The following WDR11 variants were observed in gnomAD, a reference collection of about 807,000 sequenced individuals.
WDR11 encodes WD repeat domain 11.
In WDR11, 83 loss-of-function variants were observed where a neutral mutation model predicts 151.2. The observed-to-expected ratio is 0.55, with a 90% CI of 0.46 to 0.66. WDR11 has a LOEUF of 0.66. WDR11 is among the 30% of genes least tolerant of loss of function. The pLI is 0.00. For missense variants in WDR11, 1,301 were observed against 1,480.9 expected, an observed-to-expected ratio of 0.88 and a Z score of 1.99; for synonymous variants, 484 against 533.1, an observed-to-expected ratio of 0.91 and a Z score of 1.27.
At chr10:120,851,796 C>T (rs1845785402) in intron 1 of WDR11, 1 of 521,628 alleles carries the variant, frequency 1.9e-6, no homozygotes, top group South Asian at 2.1e-5. Context: ...CTCTTTTCCT[C>T]TCCTCCAGCT....
intron 16 of WDR11, among the ~76,000 whole-genome samples, chr10:120,887,622 G>A (rs1414523333): frequency 2.0e-5 from 3 of 152,200 alleles, no homozygotes; most frequent in Non-Finnish European, 2.9e-5. Flanking sequence ...AGTGTAATGG[G>A]ACAGAAGGAT....
At chr10:120,866,970 G>A (rs1406621791) in intron 8 of WDR11, 96 bp from the exon 9 acceptor site, 2 of 1,129,522 alleles carry the variant, frequency 1.8e-6, no homozygotes, top group East Asian at 2.5e-5. Context: ...TATAAAAATA[G>A]ATAGAATGCC....
At chr10:120,870,769 A>T (rs987121601) in intron 9 of WDR11, among the ~76,000 whole-genome samples, 10 of 152,208 alleles carry the variant, frequency 6.6e-5, no homozygotes, top group Non-Finnish European at 1.2e-4. Context: ...TTGAAAAGTA[A>T]CCCTTTCAAA....
rs1031265525 is a variant in WDR11, at chr10:120,887,858, C to T, written c.2121+1022C>T. ...CTTCAAAGGCAACTTCTTAATTAAA[C>T]ATTCTATTTTATGGCTAGGAAAGTA... On this transcript the variant is annotated intron_variant, in intron 16 of 28. Coordinates refer to ENST00000263461, the MANE Select transcript of WDR11 (RefSeq NM_018117.12). 2.6e-5 allele frequency among the ~76,000 whole-genome samples: 4 copies of T among 152,166 alleles called. No homozygotes were observed. The East Asian group carries it at 7.7e-4, about 29-fold the overall frequency.
chr10:120,880,224 A>G (rs985624411), intron 12 of WDR11: 1 of 152,274 alleles, frequency 6.6e-6, no homozygotes, highest in African/African-American at 2.4e-5. Context: ...TTAAATTTCT[A>G]AAATTGAATT....
At chr10:120,875,985 T>G (rs1345350444) in intron 11 of WDR11, among the ~76,000 whole-genome samples, 6 of 148,328 alleles carry the variant, frequency 4.0e-5, no homozygotes, top group Non-Finnish European at 7.5e-5. Flanking sequence ...TTTCTTTTTT[T>G]TTTTTTTTTT....
At chr10:120,860,771 T>C (rs1358154226) in intron 4 of WDR11, among the ~76,000 whole-genome samples, 1 of 152,254 alleles carries the variant, frequency 6.6e-6, no homozygotes, top group Non-Finnish European at 1.5e-5. Context: ...TTTGCTAATA[T>C]GCTTTTAATG....
intron 4 of WDR11, among the ~76,000 whole-genome samples, chr10:120,861,673 A>C (rs887053576): frequency 6.6e-6 from 1 of 152,214 alleles, no homozygotes; most frequent in Non-Finnish European, 1.5e-5. Flanking sequence ...TAGGGTTGTC[A>C]TAACTCTTGA....
At chr10:120,851,571 G>C in intron 1 of WDR11, 65 bp downstream of exon 1, 4 of 1,561,532 alleles carry the variant, frequency 2.6e-6, no homozygotes, top group Non-Finnish European at 2.6e-6. Flanking sequence ...AAGGGGGAAG[G>C]ACAAGAGGTT....
At position 120,858,780 on chromosome 10, in the gene WDR11, T is replaced by G; in HGVS notation, c.336T>G (p.His112Gln). 1 of 1,614,190 alleles carries G rather than the reference T, an allele frequency of 6.2e-7. No homozygotes were observed. The highest frequency in any genetic ancestry group is 1.1e-5 in the South Asian group (1 of 91,084). ...AGVAQCEIQE[H>Q]AKPIQDVQWL... ...TAGCTCAGTGTGAGATCCAAGAGCA[T>G]GCCAAGCCTATCCAGGGTGAGGAAA... Residue 112 changes from histidine to glutamine, a missense_variant, in exon 3 of 29, where the codon CAT (histidine) becomes CAG (glutamine). By Grantham distance (24) the His-to-Gln change is conservative. Around this residue, in one of 3 missense-constraint regions of WDR11, gnomAD observed 692 missense variants for 762.5 expected, o/e 0.91. Coordinates refer to ENST00000263461, the MANE Select transcript of WDR11 (RefSeq NM_018117.12).
At chr10:120,908,460 G>A (rs1848155407) in intron 28 of WDR11, 96 bp from the exon 29 acceptor site, 2 of 1,341,656 alleles carry the variant, frequency 1.5e-6, no homozygotes, top group Non-Finnish European at 2.1e-6. Flanking sequence ...CGAGCAGCCA[G>A]CAGAGCAGAC....
intron 4 of WDR11, 106 bp downstream of exon 4, chr10:120,860,388 ATGAC>A (rs1478085199): frequency 1.4e-5 from 18 of 1,320,726 alleles, no homozygotes; most frequent in South Asian, 6.3e-5. Flanking sequence ...TAATGTTAAA[ATGAC>A]TGAGCGAAGT....
chr10:120,883,691 T>G, intron 13 of WDR11, 89 bp from the exon 14 acceptor site: 3 of 1,089,950 alleles, frequency 2.8e-6, no homozygotes, highest in Non-Finnish European at 4.2e-6. Context: ...GTCAGCTGAG[T>G]TTTTCAATTT....
chr10:120,885,921 T>C lies in WDR11; in HGVS notation c.1956T>C (p.Val652=). Residue 652 remains valine, a synonymous_variant, in exon 15 of 29, where the codon GTT becomes GTC. Coordinates refer to ENST00000263461, the MANE Select transcript of WDR11 (RefSeq NM_018117.12). ...TVVSDTELSI[V]ESSVISLLQE... is the part of the protein sequence containing the mutation. ...TCTCAGACACAGAGCTGAGTATTGT[T>C]GAATCATCTGTGATCAGGTACAGTA... 6.2e-7 allele frequency: 1 copy of C among 1,613,646 alleles called. No individual in the cohort carries two copies. The highest frequency in any genetic ancestry group is 1.3e-5 in the African/African-American group (1 of 75,028).
At chr10:120,904,850 A>T (rs1847973126) in intron 25 of WDR11, 39 bp downstream of exon 25, 1 of 1,612,300 alleles carries the variant, frequency 6.2e-7, no homozygotes, top group South Asian at 1.1e-5. Flanking sequence ...TCTCTGAAAA[A>T]TGAGACCTTG....
intron 4 of WDR11, among the ~76,000 whole-genome samples, chr10:120,862,042 A>G (rs1846157085): frequency 6.6e-6 from 1 of 152,214 alleles, no homozygotes; most frequent in African/African-American, 2.4e-5. Flanking sequence ...ATATGAACTT[A>G]GCTAATTGTG....
At position 120,869,812 on chromosome 10, in the gene WDR11, A is replaced by G. The variant is rs544168999; in HGVS notation, c.1295-1358A>G. ...TTTATTTTATTTTATTTTTTTTGAG[A>G]TGGAGTCTCGCTCTGTCACCAGGCT... is the stretch of plus-strand genomic sequence containing the variant. On this transcript the variant is annotated intron_variant, in intron 9 of 28. Coordinates refer to ENST00000263461, the MANE Select transcript of WDR11 (RefSeq NM_018117.12). Among the ~76,000 whole-genome samples the G allele has an allele frequency of 4.6e-4, 64 of 139,386 alleles. No individual in the cohort carries two copies. In the South Asian group the frequency reaches 0.012, roughly 26 times the overall value. The allele number at this position is 139,386 out of a possible 152,430, so 91.4% of individuals were successfully genotyped here.
chr10:120,880,725 G>A, intron 12 of WDR11, 101 bp from the exon 13 acceptor site: 1 of 981,108 alleles, frequency 1.0e-6, no homozygotes, highest in South Asian at 1.4e-5. Flanking sequence ...AGAACAGAGG[G>A]TAGGATGGGT....
chr10:120,904,103 T>A lies in WDR11; in HGVS notation c.2988T>A (p.His996Gln). Residue 996 changes from histidine to glutamine, a missense_variant, in exon 24 of 29, where the codon CAT becomes CAA. His to Gln is a conservative substitution (Grantham distance 24). Around this residue, in one of 3 missense-constraint regions of WDR11, gnomAD observed 589 missense variants for 670.6 expected, o/e 0.88. Transcript: ENST00000263461. ...AAGTGAAACGGTCAACTTATGATCATACAAGGAAATGTACAGACCAGCTAC... is the reference window on the plus strand; with the variant it reads ...AAGTGAAACGGTCAACTTATGATCAAACAAGGAAATGTACAGACCAGCTAC... ...LQEVKRSTYD[H>Q]TRKCTDQLLL... The A allele has an allele frequency of 6.2e-7, 1 of 1,613,622 alleles. No individual in the cohort carries two copies. Among genetic ancestry groups the A allele is most frequent in the Non-Finnish European group, 8.5e-7 (1 of 1,179,650 alleles).
Sources: gnomAD v4.1 joint callset for allele counts (sites outside exome capture counted in the v4.1 genomes callset) on GRCh38, gnomAD v4.1.1 for gene constraint, gnomAD v4.1.1 regional missense constraint, MANE v1.5 for transcripts, NCBI Gene and HGNC (gene_info 2026-07-23, HGNC 2026-07-21) for gene names.